ROBO2: variants seen among roughly 807,000 people sequenced by gnomAD.
ROBO2 encodes roundabout guidance receptor 2.
In ROBO2, 53 loss-of-function variants were observed where a neutral mutation model predicts 160.8. The ratio of observed to expected loss-of-function variants is 0.33; its 90% CI spans 0.26 to 0.41. The LOEUF (loss-of-function observed/expected upper bound fraction) is 0.41, where lower values mean the gene tolerates loss of function less well. Among genes scored for constraint, ROBO2 ranks in the 10% least tolerant of loss-of-function variants. The probability of loss-of-function intolerance (pLI) is 1.00; values close to 1 mark genes in which losing one functional copy is unlikely to be tolerated. For missense variants in ROBO2, 1,577 were observed against 1,722.4 expected (o/e 0.92, Z 1.49); for synonymous variants, 664 against 611.7 (o/e 1.09, Z -1.26).
intron 2 of ROBO2, among the ~76,000 whole-genome samples, chr3:77,389,105 T>C (rs1013794288): frequency 3.9e-5 from 6 of 152,074 alleles, no homozygotes; most frequent in African/African-American, 1.4e-4. Context: ...CCACCATGCC[T>C]GGTTAATTTT....
intron 2 of ROBO2, among the ~76,000 whole-genome samples, chr3:77,445,784 GT>G (rs66551785): frequency 0.16 from 17,733 of 107,498 alleles, 1,258 homozygotes; most frequent in African/African-American, 0.25. Flanking sequence ...CAATTAAAAG[GT>G]TTTTTTTTGT....
chr3:75,934,497 A>T (rs976121356), intron 1 of ROBO2, among the ~76,000 whole-genome samples: 3 of 151,960 alleles, frequency 2.0e-5, no homozygotes, highest in South Asian at 2.1e-4. Flanking sequence ...TTCATGGAAA[A>T]TTTTTTTTAA....
intron 2 of ROBO2, among the ~76,000 whole-genome samples, chr3:76,393,736 T>C (rs994042222): frequency 4.6e-5 from 7 of 152,068 alleles, no homozygotes; most frequent in Admixed American, 1.3e-4. Context: ...GTGAAGCTTT[T>C]TGAGCCATCT....
chr3:77,530,620 C>T (rs2153634370), intron 6 of ROBO2, among the ~76,000 whole-genome samples: 1 of 152,082 alleles, frequency 6.6e-6, no homozygotes, highest in South Asian at 2.1e-4. Flanking sequence ...TTCACTTGCT[C>T]ATCTGCAGTG....
intron 2 of ROBO2, among the ~76,000 whole-genome samples, chr3:76,523,350 C>A (rs1577874466): frequency 6.6e-6 from 1 of 152,108 alleles, no homozygotes; most frequent in African/African-American, 2.4e-5. Context: ...AATTTTATCT[C>A]ATTTTACCTT....
chr3:77,415,934 C>A lies in ROBO2; in HGVS notation c.389-61480C>A, dbSNP rs767112971. On this transcript the variant is annotated intron_variant, in intron 2 of 25. Transcript: ENST00000461745. Reference sequence around the variant, plus strand: ...CAGCCCATAGCTCAGCAAATGGGGGCATGTTGTGCCCAGAGGCTTTTTCTC... The same window carrying A: ...CAGCCCATAGCTCAGCAAATGGGGGAATGTTGTGCCCAGAGGCTTTTTCTC... Among the ~76,000 whole-genome samples the A allele has an allele frequency of 2.3e-4, 35 of 152,162 alleles. 1 individual carries two copies. The highest frequency in any genetic ancestry group is 4.4e-4 in the Non-Finnish European group (30 of 68,030).
At chr3:75,976,922 A>G (rs1448517371) in intron 2 of ROBO2, among the ~76,000 whole-genome samples, 1 of 151,524 alleles carries the variant, frequency 6.6e-6, no homozygotes. Flanking sequence ...GGTGTGTTTT[A>G]TTTTTAGCTG....
At chr3:76,261,200 GTGTA>G (rs1346766725) in intron 2 of ROBO2, among the ~76,000 whole-genome samples, 13 of 128,700 alleles carry the variant, frequency 1.0e-4, no homozygotes, top group African/African-American at 2.8e-4. Context: ...GTGTGTGTGT[GTGTA>G]TATATATATA....
chr3:76,565,018 A>G (rs151033501), intron 2 of ROBO2, among the ~76,000 whole-genome samples: 15 of 152,314 alleles, frequency 9.8e-5, no homozygotes, highest in African/African-American at 1.9e-4. Context: ...TTTTCAGACC[A>G]TGGTGTAAAT....
chr3:77,499,985 A>G (rs1486716486), intron 5 of ROBO2, among the ~76,000 whole-genome samples: 1 of 152,128 alleles, frequency 6.6e-6, no homozygotes, highest in Non-Finnish European at 1.5e-5. Context: ...AAATGTTTCT[A>G]GTGACTTTGC....
intron 2 of ROBO2, among the ~76,000 whole-genome samples, chr3:76,927,171 A>G (rs1049613225): frequency 2.2e-4 from 34 of 152,288 alleles, no homozygotes; most frequent in African/African-American, 7.9e-4. Flanking sequence ...CAGATGGTCA[A>G]CTAATTTTCA....
chr3:76,743,508 G>A (rs2093836374), intron 2 of ROBO2, among the ~76,000 whole-genome samples: 1 of 151,752 alleles, frequency 6.6e-6, no homozygotes, highest in African/African-American at 2.4e-5. Context: ...CAACTGAATT[G>A]CTAAAATCTG....
intron 2 of ROBO2, among the ~76,000 whole-genome samples, chr3:76,828,025 C>G (rs2066732032): frequency 6.6e-6 from 1 of 152,022 alleles, no homozygotes; most frequent in Non-Finnish European, 1.5e-5. Context: ...GATAAGAATC[C>G]ATTTTTGTTT....
intron 2 of ROBO2, among the ~76,000 whole-genome samples, chr3:76,469,600 A>G (rs1013834491): frequency 6.6e-6 from 1 of 151,820 alleles, no homozygotes; most frequent in Non-Finnish European, 1.5e-5. Context: ...TCTTCTTTTA[A>G]TTTCCTGAAT....
intron 2 of ROBO2, among the ~76,000 whole-genome samples, chr3:76,197,058 C>T (rs974839254): frequency 2.0e-5 from 3 of 152,168 alleles, no homozygotes; most frequent in African/African-American, 7.2e-5. Flanking sequence ...TACTGTTGTA[C>T]CCAGCTGAGT....
rs1336405734 is a variant in ROBO2 at position 76,957,842 on chromosome 3, A to AG, written c.110-140172_110-140171insG. On this transcript the variant is annotated intron_variant, in intron 2 of 26. Transcript: ENST00000487694. The stretch of plus-strand genomic sequence containing the variant: ...CAAGACTCTGTCTCAAAAAAAAAAA[A>AG]AAAGTGATAAAATTTAACTCTAGAT... Among the ~76,000 whole-genome samples, 215 of 152,160 alleles carry AG rather than the reference A, an allele frequency of 1.4e-3. 2 individuals carry two copies. The highest frequency in any genetic ancestry group is 5.1e-3 in the African/African-American group (210 of 41,456).
chr3:76,661,971 C>T (rs538586438), intron 2 of ROBO2, among the ~76,000 whole-genome samples: 1 of 152,266 alleles, frequency 6.6e-6, no homozygotes, highest in South Asian at 2.1e-4. Context: ...TGCTATACTA[C>T]AGTCAGCTTG....
chr3:76,053,900 T>A (rs2067743555), intron 2 of ROBO2, among the ~76,000 whole-genome samples: 1 of 152,096 alleles, frequency 6.6e-6, no homozygotes, highest in Non-Finnish European at 1.5e-5. Flanking sequence ...TTTTATAGTT[T>A]AATAAACATT....
intron 2 of ROBO2, among the ~76,000 whole-genome samples, chr3:77,447,892 T>A (rs1021288641): frequency 2.0e-5 from 3 of 152,156 alleles, no homozygotes; most frequent in Non-Finnish European, 2.9e-5. Context: ...AATATTGAGC[T>A]ACTCAAGGTC....
Sources: allele counts gnomAD v4.1 joint callset (sites outside exome capture counted in the v4.1 genomes callset), GRCh38; gene constraint gnomAD v4.1.1; transcripts MANE v1.5; gene names NCBI Gene and HGNC (gene_info 2026-07-23, HGNC 2026-07-21).